Variants in CACNA1A observed in about 807,000 individuals in gnomAD.
The protein encoded by CACNA1A is calcium voltage-gated channel subunit alpha1 A.
A neutral mutation model predicts 262.4 loss-of-function variants in CACNA1A; 57 were observed. The ratio of observed to expected loss-of-function variants is 0.22; its 90% confidence interval spans 0.18 to 0.27. CACNA1A has a LOEUF of 0.27. Ranked by LOEUF, CACNA1A falls within the 10% of genes least tolerant of loss-of-function variation. The probability of loss-of-function intolerance (pLI) is 1.00; values close to 1 mark genes in which losing one functional copy is unlikely to be tolerated. For synonymous variants in CACNA1A, 1,431 were observed against 1,419.3 expected, an observed-to-expected ratio of 1.01 and a Z score of -0.18; for missense variants, 2,526 against 3,562.8, an observed-to-expected ratio of 0.71 and a Z score of 7.41.
At chr19:13,445,313 T>C (rs1458325770) in intron 3 of CACNA1A, among the ~76,000 whole-genome samples, 3 of 152,196 alleles carry the variant, frequency 2.0e-5, no homozygotes, top group African/African-American at 4.8e-5. Context: ...CATAGAGTCA[T>C]AAAATGTCAG....
chr19:13,285,039 C>A (rs757051242), intron 21 of CACNA1A, 29 bp downstream of exon 21: 25 of 1,613,562 alleles, frequency 1.5e-5, no homozygotes, highest in Non-Finnish European at 2.0e-5. Context: ...CCCCAGGCCC[C>A]CCCTGCCCTT....
chr19:13,252,644 C>G (rs2056433132), intron 30 of CACNA1A: 1 of 158,758 alleles, frequency 6.3e-6, no homozygotes, highest in African/African-American at 2.4e-5. Context: ...CCCACCTTGG[C>G]CTCCCAAAGT....
chr19:13,259,757 T>C (rs2056679363), intron 26 of CACNA1A, 56 bp from the exon 27 acceptor site: 1 of 1,585,990 alleles, frequency 6.3e-7, no homozygotes, highest in South Asian at 1.1e-5. Flanking sequence ...GTCTTGCACT[T>C]GTCTTTGGTT....
intron 3 of CACNA1A, among the ~76,000 whole-genome samples, chr19:13,409,140 A>C (rs1205305735): frequency 6.6e-6 from 1 of 152,158 alleles, no homozygotes; most frequent in Non-Finnish European, 1.5e-5. Flanking sequence ...AGACAGGTCC[A>C]TTGATACAAT....
intron 31 of CACNA1A, among the ~76,000 whole-genome samples, chr19:13,238,534 C>T (rs1418387432): frequency 6.6e-6 from 1 of 151,942 alleles, no homozygotes; most frequent in East Asian, 1.9e-4. Flanking sequence ...GCTATGCCCA[C>T]ACCTATTCTC....
chr19:13,300,634 GCTT>G lies in CACNA1A; in HGVS notation c.2192_2194del (p.Glu731del). The G allele has an allele frequency of 1.9e-6, 3 of 1,613,578 alleles. No homozygotes were observed. The highest frequency in any genetic ancestry group is 2.5e-6 in the Non-Finnish European group (3 of 1,179,546). ...CTGTAGGGCAAGTTTCTGGTTCGCT[GCTT>G]CTTCTTCCTCTTGCTCGTCCTAAAA... On this transcript the variant is annotated inframe_deletion, in exon 18 of 47. Coordinates refer to ENST00000360228, the MANE Select transcript of CACNA1A (RefSeq NM_001127222.2).
chr19:13,330,387 AG>A (rs1450280450), intron 9 of CACNA1A, 54 bp from the exon 10 acceptor site: 1 of 1,258,498 alleles, frequency 7.9e-7, no homozygotes, highest in South Asian at 1.3e-5. Flanking sequence ...TTTGCAACAC[AG>A]ACCATATGGA....
At chr19:13,223,089 A>G (rs1466462325) in intron 38 of CACNA1A, among the ~76,000 whole-genome samples, 1 of 152,124 alleles carries the variant, frequency 6.6e-6, no homozygotes, top group Non-Finnish European at 1.5e-5. Flanking sequence ...CAGTGGTGCG[A>G]TCATGACTCA....
chr19:13,453,823 C>T (rs1222152293), intron 2 of CACNA1A, among the ~76,000 whole-genome samples: 2 of 152,032 alleles, frequency 1.3e-5, no homozygotes, highest in Non-Finnish European at 2.9e-5. Context: ...TTTTTTTCCA[C>T]ATTAGCTTGC....
rs78075240 is a variant in CACNA1A at position 13,292,583 on chromosome 19, C to T, written c.3090-5617G>A. Among the ~76,000 whole-genome samples, 73 of 151,800 alleles carry T rather than the reference C, an allele frequency of 4.8e-4. No individual in the cohort carries two copies. In the East Asian group the frequency reaches 7.9e-3, roughly 17 times the overall value. ...GAGCCATGATTGTACCACTGTACTC[C>T]GGGGCCTGGATGACAAAGCGAGACC... On this transcript the variant is annotated intron_variant, in intron 19 of 46. Transcript: ENST00000360228.
chr19:13,399,852 TAGA>T (rs983237035), intron 3 of CACNA1A, among the ~76,000 whole-genome samples: 3 of 152,068 alleles, frequency 2.0e-5, no homozygotes, highest in East Asian at 1.9e-4. Context: ...GGAGTAACAG[TAGA>T]AGATTTCAGA....
At chr19:13,393,502 T>TC in intron 3 of CACNA1A, among the ~76,000 whole-genome samples, 1 of 112,790 alleles carries the variant, frequency 8.9e-6, no homozygotes, top group East Asian at 2.8e-4. Flanking sequence ...TTTCCTTCCT[T>TC]CCTTTCCTTC....
chr19:13,387,328 A>G (rs2059632549), intron 3 of CACNA1A, among the ~76,000 whole-genome samples: 1 of 152,200 alleles, frequency 6.6e-6, no homozygotes, highest in Admixed American at 6.5e-5. Context: ...TATTCACTAA[A>G]TGTATTCTCT....
At position 13,353,299 on chromosome 19, in the gene CACNA1A, G is replaced by GTTT. The variant is rs57554463; in HGVS notation, c.978+6304_978+6306dup. The stretch of plus-strand genomic sequence containing the variant: ...ATGCCTGGCTGATTTTTGTATTTTT[G>GTTT]TTTTTTTTTTTTTGTAGAGATTGGG... On this transcript the variant is annotated intron_variant, in intron 6 of 46. Transcript: ENST00000360228. 1.0e-4 allele frequency among the ~76,000 whole-genome samples: 14 copies of GTTT among 135,072 alleles called. No individual in the cohort carries two copies. The East Asian group carries it at 1.3e-3, about 12-fold the overall frequency. 88.6% of individuals were successfully genotyped at this position (135,072 alleles called of 152,430 possible).
intron 44 of CACNA1A, 33 bp downstream of exon 44, chr19:13,210,584 C>G (rs1228654566): frequency 6.4e-7 from 1 of 1,551,024 alleles, no homozygotes; most frequent in African/African-American, 1.4e-5. Context: ...GGGGCCGGAG[C>G]CCTGCTGGGC....
At chr19:13,261,786 T>C in intron 25 of CACNA1A, 176 bp from the exon 26 acceptor site, 2 of 598,020 alleles carry the variant, frequency 3.3e-6, no homozygotes, top group Non-Finnish European at 2.9e-6. Context: ...GTTGGAGGAG[T>C]TGGACTCAAT....
At chr19:13,490,746 AAG>A (rs1980737027) in intron 1 of CACNA1A, among the ~76,000 whole-genome samples, 1 of 150,150 alleles carries the variant, frequency 6.7e-6, no homozygotes, top group African/African-American at 2.5e-5. Flanking sequence ...AAAAGAAAGA[AAG>A]AAAAGAAGGA....
At chr19:13,240,766 G>A (rs1014443003) in intron 31 of CACNA1A, among the ~76,000 whole-genome samples, 1 of 150,820 alleles carries the variant, frequency 6.6e-6, no homozygotes, top group African/African-American at 2.4e-5. Context: ...CAGTGACTGT[G>A]TGCACAGTGT....
At chr19:13,472,499 G>A (rs1978287401) in intron 1 of CACNA1A, among the ~76,000 whole-genome samples, 1 of 152,136 alleles carries the variant, frequency 6.6e-6, no homozygotes, top group South Asian at 2.1e-4. Context: ...CTTCTTGGGT[G>A]TCTTCCCACC....
Sources: gnomAD v4.1 joint callset for allele counts (sites outside exome capture counted in the v4.1 genomes callset) on GRCh38, gnomAD v4.1.1 for gene constraint, MANE v1.5 for transcripts, NCBI Gene and HGNC (gene_info 2026-07-23, HGNC 2026-07-21) for gene names.